The following CENPP variants were observed in gnomAD, a reference collection of about 807,000 sequenced individuals.
The protein encoded by CENPP is centromere protein P.
In CENPP, 24 loss-of-function variants were observed where a neutral mutation model predicts 35.6. The observed-to-expected ratio is 0.67, with a 90% CI of 0.49 to 0.95. CENPP has a LOEUF of 0.95. Among genes scored for constraint, CENPP ranks in the 40% least tolerant of loss-of-function variants. CENPP has a pLI of 0.00. For synonymous variants in CENPP, 120 were observed against 125.5 expected (o/e 0.96, Z 0.29); for missense variants, 332 against 345.3 (o/e 0.96, Z 0.31).
At chr9:92,501,063 A>C in intron 5 of CENPP, 1 of 1,609,214 alleles carries the variant, frequency 6.2e-7, no homozygotes, top group East Asian at 2.2e-5. Context: ...TCTGCAGCAA[A>C]GAAAAAAGTA....
intron 5 of CENPP, chr9:92,385,643 A>G (rs1234404744): frequency 6.2e-7 from 1 of 1,614,156 alleles, no homozygotes; most frequent in East Asian, 2.2e-5. Context: ...CCTATCGGTA[A>G]TCTTTTTAAG....
intron 5 of CENPP, among the ~76,000 whole-genome samples, chr9:92,452,004 A>G (rs1844724451): frequency 6.7e-6 from 1 of 149,798 alleles, no homozygotes; most frequent in Non-Finnish European, 1.5e-5. Context: ...TTGGGCTGAG[A>G]CAATGGGGTT....
intron 5 of CENPP, among the ~76,000 whole-genome samples, chr9:92,413,371 G>C (rs186014548): frequency 2.5e-4 from 38 of 152,032 alleles, no homozygotes; most frequent in African/African-American, 8.9e-4. Flanking sequence ...GTGTATGAAG[G>C]CTCCAATTTT....
intron 4 of CENPP, 86 bp downstream of exon 4, chr9:92,345,873 G>A: frequency 5.3e-6 from 4 of 748,676 alleles, no homozygotes; most frequent in Non-Finnish European, 9.1e-6. Context: ...CCTCTTCTTA[G>A]TAAGTAAATA....
intron 5 of CENPP, chr9:92,416,915 A>G (rs745802059): frequency 1.2e-6 from 2 of 1,614,048 alleles, no homozygotes; most frequent in South Asian, 1.1e-5. Flanking sequence ...GTTGAGCTGC[A>G]TTAGTTTTTC....
At chr9:92,496,489 GAA>G in intron 5 of CENPP, 1 of 1,604,978 alleles carries the variant, frequency 6.2e-7, no homozygotes, top group Non-Finnish European at 8.5e-7. Context: ...TGTTCCTAAG[GAA>G]AAATAGACAT....
At chr9:92,599,425 G>A (rs1290300857) in intron 5 of CENPP, among the ~76,000 whole-genome samples, 2 of 151,952 alleles carry the variant, frequency 1.3e-5, no homozygotes, top group African/African-American at 4.8e-5. Context: ...TTTTGTTTTT[G>A]TTTTTGTTTG....
rs758451934 is a variant in CENPP at position 92,389,926 on chromosome 9, A to G, written c.564+10067A>G. The stretch of plus-strand genomic sequence containing the variant: ...TTGCATTAAATAAAGTGAGCTTGGG[A>G]GGAAGAACTGGAAGTTTTAGTAGTT... On this transcript the variant is annotated intron_variant, in intron 5 of 7. Coordinates refer to ENST00000375587, the MANE Select transcript of CENPP (RefSeq NM_001012267.3). 56 of 1,613,258 alleles carry G rather than the reference A, an allele frequency of 3.5e-5. No homozygotes were observed. In the African/African-American group the frequency reaches 6.8e-4, roughly 20 times the overall value.
At chr9:92,344,637 T>G (rs932995897) in intron 3 of CENPP, among the ~76,000 whole-genome samples, 2 of 151,950 alleles carry the variant, frequency 1.3e-5, no homozygotes, top group Non-Finnish European at 2.9e-5. Flanking sequence ...AACCTCTGCC[T>G]CCTGTGCTCA....
intron 5 of CENPP, among the ~76,000 whole-genome samples, chr9:92,513,011 A>G (rs147552058): frequency 9.8e-4 from 149 of 152,274 alleles, no homozygotes; most frequent in African/African-American, 3.3e-3. Flanking sequence ...ATTATGTTTG[A>G]CACTGGCAGT....
intron 5 of CENPP, among the ~76,000 whole-genome samples, chr9:92,540,940 G>A (rs1563995478): frequency 6.6e-6 from 1 of 151,874 alleles, no homozygotes; most frequent in African/African-American, 2.4e-5. Context: ...GATTTAGAAA[G>A]CCAAAAGTTG....
At chr9:92,563,081 C>A (rs972574959) in intron 5 of CENPP, among the ~76,000 whole-genome samples, 1 of 152,124 alleles carries the variant, frequency 6.6e-6, no homozygotes, top group African/African-American at 2.4e-5. Flanking sequence ...GTGAATGGGG[C>A]TTTCAAACTG....
chr9:92,418,216 A>G (rs1270464515), intron 5 of CENPP, among the ~76,000 whole-genome samples: 2 of 151,568 alleles, frequency 1.3e-5, no homozygotes, highest in Non-Finnish European at 2.9e-5. Flanking sequence ...CCTCCCAAGT[A>G]TCTGGGACTA....
Position 92,442,293 on chromosome 9 carries a change from G to A in CENPP, c.564+62434G>A, listed in dbSNP as rs558481231. Among the ~76,000 whole-genome samples, 44 of 151,334 alleles carry A rather than the reference G, an allele frequency of 2.9e-4. 1 individual carries two copies. The Middle Eastern group carries it at 0.014, about 47-fold the overall frequency. ...CATGCCTGTAATCCCAGCCACTTGG[G>A]AGGCTGACGCAGGAGAATCAGTTGA... On this transcript the variant is annotated intron_variant, in intron 5 of 7. Coordinates refer to ENST00000375587, the MANE Select transcript of CENPP (RefSeq NM_001012267.3).
intron 5 of CENPP, among the ~76,000 whole-genome samples, chr9:92,460,092 G>A (rs1246933966): frequency 1.5e-5 from 2 of 135,468 alleles, no homozygotes; most frequent in East Asian, 2.1e-4. Flanking sequence ...ATGGAGTCTC[G>A]CTCTGTTGCC....
intron 4 of CENPP, among the ~76,000 whole-genome samples, chr9:92,352,505 G>GTGTGTGTATAAATATATATA: frequency 4.0e-5 from 2 of 49,766 alleles, no homozygotes; most frequent in African/African-American, 1.8e-4. Flanking sequence ...GTGTGTGTGT[G>GTGTGTGTATAAATATATATA]TATACATATA....
At chr9:92,417,743 A>C (rs1843662121) in intron 5 of CENPP, among the ~76,000 whole-genome samples, 1 of 152,106 alleles carries the variant, frequency 6.6e-6, no homozygotes, top group Non-Finnish European at 1.5e-5. Context: ...TTTTTGTGAC[A>C]GTGTCTCCTC....
chr9:92,450,545 A>C (rs1382322066), intron 5 of CENPP, among the ~76,000 whole-genome samples: 3 of 152,188 alleles, frequency 2.0e-5, no homozygotes, highest in Admixed American at 6.5e-5. Flanking sequence ...GAATAGTGCC[A>C]CAATAAACAT....
At chr9:92,518,288 C>G (rs1210809587) in intron 5 of CENPP, among the ~76,000 whole-genome samples, 1 of 152,210 alleles carries the variant, frequency 6.6e-6, no homozygotes, top group Non-Finnish European at 1.5e-5. Flanking sequence ...CTGTCCTGAT[C>G]ACTGCGGTAG....
Sources: gnomAD v4.1 joint callset for allele counts (sites outside exome capture counted in the v4.1 genomes callset) on GRCh38, gnomAD v4.1.1 for gene constraint, MANE v1.5 for transcripts, NCBI Gene and HGNC (gene_info 2026-07-23, HGNC 2026-07-21) for gene names.